The following SYNRG variants were observed in gnomAD, a reference collection of about 807,000 sequenced individuals.
SYNRG encodes AP1 gamma subunit binding protein 1.
A neutral mutation model predicts 130.9 loss-of-function variants in SYNRG; 37 were observed. The ratio of observed to expected loss-of-function variants is 0.28; its 90% CI spans 0.22 to 0.37. The LOEUF (loss-of-function observed/expected upper bound fraction) is 0.37, where lower values mean the gene tolerates loss of function less well. Among genes scored for constraint, SYNRG ranks in the 10% least tolerant of loss-of-function variants. The probability of loss-of-function intolerance (pLI) is 1.00; values close to 1 mark genes in which losing one functional copy is unlikely to be tolerated. For synonymous variants in SYNRG, 539 were observed against 568.1 expected, an observed-to-expected ratio of 0.95 and a Z score of 0.73; for missense variants, 1,338 against 1,588.9, an observed-to-expected ratio of 0.84 and a Z score of 2.68.
intron 3 of SYNRG, 91 bp from the exon 4 acceptor site, chr17:37,586,640 A>T: frequency 7.0e-7 from 1 of 1,421,676 alleles, no homozygotes. Flanking sequence ...CTATCTTAAT[A>T]CTCTTATTTG....
intron 11 of SYNRG, among the ~76,000 whole-genome samples, chr17:37,563,372 C>T (rs559508972): frequency 1.3e-5 from 2 of 152,296 alleles, no homozygotes; most frequent in East Asian, 3.9e-4. Context: ...TCTAGTGAAT[C>T]TATTAGTGTT....
At position 37,553,295 on chromosome 17, in the gene SYNRG, C is replaced by A. The variant is rs1365381859; in HGVS notation, c.2428G>T (p.Val810Leu). 6.2e-7 allele frequency: 1 copy of A among 1,614,044 alleles called. No homozygotes were observed. Among genetic ancestry groups the A allele is most frequent in the South Asian group, 1.1e-5 (1 of 91,066 alleles). The part of the protein sequence containing the change: ...FRHTKEDSAS[V>L]KSLDLPSIGG... ...ATGGAAGGGAGATCTAAGGACTTCA[C>A]TGATGCAGAGTCTTCTTTGGTGTGT... Residue 810 changes from valine (V) to leucine (L), a missense_variant, in exon 14 of 22, where the codon GTG (valine) becomes TTG (leucine). Transcript: ENST00000612223.
At chr17:37,527,287 T>G (rs1375500819) in intron 19 of SYNRG, among the ~76,000 whole-genome samples, 1 of 152,206 alleles carries the variant, frequency 6.6e-6, no homozygotes, top group Non-Finnish European at 1.5e-5. Context: ...GTTCCAAACC[T>G]ACTGAACTTC....
At chr17:37,522,134 T>TACACACACACACAC (rs60928738) in intron 19 of SYNRG, among the ~76,000 whole-genome samples, 13,852 of 144,984 alleles carry the variant, frequency 0.096, 782 homozygotes, top group East Asian at 0.15. Flanking sequence ...TCTAATTCAC[T>TACACACACACACAC]ACACACACAC....
At chr17:37,578,645 AGCACCCT>A (rs2061048303) in intron 6 of SYNRG, among the ~76,000 whole-genome samples, 1 of 152,216 alleles carries the variant, frequency 6.6e-6, no homozygotes, top group Non-Finnish European at 1.5e-5. Flanking sequence ...GATCCCTCCC[AGCACCCT>A]GTCTCAAGCC....
intron 3 of SYNRG, among the ~76,000 whole-genome samples, chr17:37,587,723 T>C (rs1254525829): frequency 6.6e-6 from 1 of 152,206 alleles, no homozygotes; most frequent in Non-Finnish European, 1.5e-5. Flanking sequence ...ATCACCCACA[T>C]GGGTAACTCA....
rs9904632 is a variant in SYNRG at position 37,533,788 on chromosome 17, G to A, written c.3666+2191C>T. Among the ~76,000 whole-genome samples, 375 of 150,754 alleles carry A rather than the reference G, an allele frequency of 2.5e-3. 2 individuals are homozygous for A. The highest frequency in any genetic ancestry group is 8.4e-3 in the African/African-American group (344 of 41,164). ...TTTTAGTACAGACGGGGTTGGTCAG[G>A]CTGGTTTCGAACTCCCGACCTCAGG... On this transcript the variant is annotated intron_variant, in intron 19 of 21. Coordinates refer to ENST00000612223, the MANE Select transcript of SYNRG (RefSeq NM_007247.6).
At chr17:37,569,481 C>T (rs950434466) in intron 10 of SYNRG, among the ~76,000 whole-genome samples, 6 of 149,442 alleles carry the variant, frequency 4.0e-5, no homozygotes, top group Admixed American at 3.4e-4. Flanking sequence ...GGTTACTGAG[C>T]GCCTACCATC....
At chr17:37,579,005 C>T (rs2061074220) in intron 6 of SYNRG, 5 of 635,128 alleles carry the variant, frequency 7.9e-6, no homozygotes, top group Non-Finnish European at 1.0e-5. Flanking sequence ...TGTTGAATTT[C>T]AACAGCAGTC....
rs778840214 is a variant in SYNRG at position 37,542,339 on chromosome 17, GGAGA to G, written c.2831_2834del (p.Leu944ProfsTer3). On this transcript the variant is annotated frameshift_variant, in exon 15 of 22. Transcript: ENST00000612223. LOFTEE classifies it high-confidence loss of function. ...CTTCACTTACAAAGGTCGTTACTTTGGAGAGAGATGTCATGGTGATGTTTTCAGA... is the reference window on the plus strand; with the variant it reads ...CTTCACTTACAAAGGTCGTTACTTTGGAGATGTCATGGTGATGTTTTCAGA... 1 of 1,614,232 alleles carries G rather than the reference GGAGA, an allele frequency of 6.2e-7. No homozygotes were observed. The highest frequency in any genetic ancestry group is 1.7e-5 in the Admixed American group (1 of 60,020).
chr17:37,588,337 A>C (rs1233020861), intron 3 of SYNRG, among the ~76,000 whole-genome samples: 3 of 142,998 alleles, frequency 2.1e-5, no homozygotes, highest in Non-Finnish European at 4.5e-5. Flanking sequence ...ATCTCAGCTC[A>C]CTGCAACCTC....
chr17:37,559,227 T>C (rs1359099294), intron 13 of SYNRG, among the ~76,000 whole-genome samples: 1 of 152,218 alleles, frequency 6.6e-6, no homozygotes, highest in Admixed American at 6.5e-5. Context: ...TCTGTGAATG[T>C]ATCTTGTACC....
rs2060360227 is a variant in SYNRG at position 37,570,685 on chromosome 17, A to G, written c.1299T>C (p.Ala433=). ...TGAAACCACTAGAAGCCTGGGCTGC[A>G]GCTCCACCCACTGGTCCAACAAGGT... The part of the protein sequence containing the change: ...GINLVGPVGG[A]AAQASSGFIP... The change falls in exon 10 of 22, where the codon GCT becomes GCC. Residue 433 remains alanine, a synonymous_variant. Coordinates refer to ENST00000612223, the MANE Select transcript of SYNRG (RefSeq NM_007247.6). 2 of 1,614,190 alleles carry G rather than the reference A, an allele frequency of 1.2e-6. No individual in the cohort carries two copies. Among genetic ancestry groups the G allele is most frequent in the Non-Finnish European group, 1.7e-6 (2 of 1,180,014 alleles).
chr17:37,554,417 T>C (rs2058946394), intron 13 of SYNRG, among the ~76,000 whole-genome samples: 1 of 152,014 alleles, frequency 6.6e-6, no homozygotes. Context: ...CAATAAGAAA[T>C]AGGGCTAGAG....
chr17:37,563,158 C>A (rs947504919), intron 11 of SYNRG, among the ~76,000 whole-genome samples: 3 of 152,142 alleles, frequency 2.0e-5, no homozygotes, highest in Non-Finnish European at 4.4e-5. Flanking sequence ...TTTTAAAAAA[C>A]CACTGTAATC....
At chr17:37,551,498 A>T (rs2058703914) in intron 14 of SYNRG, among the ~76,000 whole-genome samples, 1 of 152,174 alleles carries the variant, frequency 6.6e-6, no homozygotes, top group Non-Finnish European at 1.5e-5. Context: ...TGAGCACAGA[A>T]GATTATTTTA....
chr17:37,563,707 T>C (rs988470113), intron 11 of SYNRG, among the ~76,000 whole-genome samples: 1 of 152,032 alleles, frequency 6.6e-6, no homozygotes, highest in African/African-American at 2.4e-5. Context: ...CAGCTAATTT[T>C]TGCATTTTTT....
chr17:37,553,665 C>G lies in SYNRG; in HGVS notation c.2058G>C (p.Gly686=), dbSNP rs955771689. Residue 686 remains glycine, a synonymous_variant, in exon 14 of 22, where the codon GGG becomes GGC. Coordinates refer to ENST00000612223, the MANE Select transcript of SYNRG (RefSeq NM_007247.6). ...FGEYSGLAPV[G]EQDDFADFMA... ...TAAAATCTGCAAAGTCATCCTGCTC[C>G]CCAACAGGTGCTAGACCAGAATATT... The G allele has an allele frequency of 6.2e-7, 1 of 1,613,884 alleles. No individual in the cohort carries two copies. Among genetic ancestry groups the G allele is most frequent in the East Asian group, 2.2e-5 (1 of 44,896 alleles).
chr17:37,536,202 C>T lies in SYNRG; in HGVS notation c.3518-75G>A, dbSNP rs555768638. ...GGACCCAGACAGGGGAGCATTATTG[C>T]TTGCTGATATCTGTGAGAAACAATG... is the stretch of plus-strand genomic sequence containing the variant. On this transcript the variant is annotated intron_variant, in intron 18 of 21. Transcript: ENST00000612223. 3.4e-6 allele frequency: 5 copies of T among 1,481,292 alleles called. No homozygotes were observed. The African/African-American group carries it at 5.6e-5, about 17-fold the overall frequency. 91.8% of individuals were successfully genotyped at this position (1,481,292 alleles called of 1,614,324 possible).
Sources: gnomAD v4.1 joint callset for allele counts (sites outside exome capture counted in the v4.1 genomes callset) on GRCh38, gnomAD v4.1.1 for gene constraint, MANE v1.5 for transcripts, NCBI Gene and HGNC (gene_info 2026-07-23, HGNC 2026-07-21) for gene names.